The following CFAP54 variants were observed in gnomAD, a reference collection of about 807,000 sequenced individuals.
The protein encoded by CFAP54 is cilia and flagella associated protein 54, also known as cilia- and flagella-associated protein 54.
CFAP54 carries 290 observed loss-of-function variants against 370.4 expected under a neutral mutation model. That is an observed-to-expected ratio of 0.78 (90% confidence interval 0.71 to 0.86). CFAP54 has a LOEUF of 0.86. Among genes scored for constraint, CFAP54 ranks in the 40% least tolerant of loss-of-function variants. The pLI is 0.00. For missense variants in CFAP54, 3,399 were observed against 3,528.7 expected (o/e 0.96, Z 0.93); for synonymous variants, 1,206 against 1,236.5 (o/e 0.98, Z 0.52).
At chr12:96,645,559 A>G (rs1956778521) in intron 33 of CFAP54, 1 of 153,420 alleles carries the variant, frequency 6.5e-6, no homozygotes, top group Non-Finnish European at 1.5e-5. Context: ...ATCCCCATCA[A>G]GCTACCAATG....
At position 96,602,689 on chromosome 12, in the gene CFAP54, T is replaced by G. The variant is rs182630342; in HGVS notation, c.3639+3922T>G. Among the ~76,000 whole-genome samples, 164 of 152,346 alleles carry G rather than the reference T, an allele frequency of 1.1e-3. 1 individual carries two copies. Among genetic ancestry groups the G allele is most frequent in the African/African-American group, 3.9e-3 (163 of 41,576 alleles). ...GGATAGTTACCTCATTTTGTTGAAT[T>G]GATCCCTTTACCATTATTTAATGGC... On this transcript the variant is annotated intron_variant, in intron 26 of 67. Transcript: ENST00000524981.
intron 9 of CFAP54, among the ~76,000 whole-genome samples, chr12:96,528,580 G>A (rs1955407636): frequency 1.3e-5 from 2 of 152,114 alleles, no homozygotes; most frequent in South Asian, 4.1e-4. Context: ...GGAATTTTTT[G>A]TATGGCAATA....
At position 96,621,728 on chromosome 12, in the gene CFAP54, G is replaced by A. The variant is rs77740470; in HGVS notation, c.3771+7G>A. 1 of 1,517,274 alleles carries A rather than the reference G, an allele frequency of 6.6e-7. No homozygotes were observed. The highest frequency in any genetic ancestry group is 8.8e-7 in the Non-Finnish European group (1 of 1,137,642). 94.0% of individuals were successfully genotyped at this position (1,517,274 alleles called of 1,614,324 possible). ...AGAAGAAATGCCAGAGGAGGTAATT[G>A]TTTTTGTTTCTCATTTTTAAACCTA... On this transcript the variant is annotated splice_region_variant and intron_variant, in intron 27 of 67. Transcript: ENST00000524981.
chr12:96,675,809 A>G (rs1957199420), intron 39 of CFAP54, among the ~76,000 whole-genome samples: 1 of 152,062 alleles, frequency 6.6e-6, no homozygotes, highest in Non-Finnish European at 1.5e-5. Context: ...GAAGCTGGAA[A>G]CCATCATTCT....
chr12:96,580,791 G>A, intron 21 of CFAP54, 102 bp downstream of exon 21: 1 of 1,104,690 alleles, frequency 9.1e-7, no homozygotes, highest in Non-Finnish European at 1.2e-6. Flanking sequence ...ATTTCCACCT[G>A]AATCATAACT....
At chr12:96,785,557 A>G (rs371399496) in intron 61 of CFAP54, among the ~76,000 whole-genome samples, 1 of 152,176 alleles carries the variant, frequency 6.6e-6, no homozygotes, top group Non-Finnish European at 1.5e-5. Flanking sequence ...AAGCACAGTT[A>G]CCAGGAGCTC....
rs1171989740 is a variant in CFAP54, at chr12:96,576,588, G to A, written c.2623G>A (p.Ala875Thr). 10 of 1,519,646 alleles carry A rather than the reference G, an allele frequency of 6.6e-6. No homozygotes were observed. The highest frequency in any genetic ancestry group is 4.2e-5 in the African/African-American group (3 of 72,248). The allele number at this position is 1,519,646 out of a possible 1,614,324, so 94.1% of individuals were successfully genotyped here. The stretch of plus-strand genomic sequence containing the variant: ...CTATTTTCATATTTCATTATAGGAA[G>A]CATATTCCTTAATTCAGAGGATTGA... ...STSSWELLMEAYSLIQRIEAE... is the reference protein window; with the variant it reads ...STSSWELLMETYSLIQRIEAE... Residue 875 changes from alanine (A) to threonine (T), a missense_variant, in exon 20 of 68, where the codon GCA becomes ACA. Physicochemically the swap from Ala to Thr is moderately conservative, Grantham distance 58. Around this residue, in one of 3 missense-constraint regions of CFAP54, gnomAD observed 2,796 missense variants for 2,869.7 expected, o/e 0.97. Coordinates refer to ENST00000524981, the MANE Select transcript of CFAP54 (RefSeq NM_001306084.2).
At chr12:96,858,727 C>A (rs1314946699) in intron 66 of CFAP54, among the ~76,000 whole-genome samples, 1 of 152,148 alleles carries the variant, frequency 6.6e-6, no homozygotes, top group Admixed American at 6.5e-5. Flanking sequence ...TGGAACACTG[C>A]TCAAAGAAAT....
rs564519035 is a variant in CFAP54, at chr12:96,633,988, G to GTAGTGA, written c.4316+3340_4316+3345dup. 4.7e-3 allele frequency among the ~76,000 whole-genome samples: 681 copies of GTAGTGA among 144,160 alleles called. 4 individuals are homozygous for GTAGTGA. Among genetic ancestry groups the GTAGTGA allele is most frequent in the African/African-American group, 0.016 (647 of 39,430 alleles). The allele number at this position is 144,160 out of a possible 152,430, so 94.6% of individuals were successfully genotyped here. ...AAATTTTAGCTATTAAAATAGGTGT[G>GTAGTGA]TAGTGATATCTCATGGCCTTAATTT... On this transcript the variant is annotated intron_variant, in intron 32 of 67. Coordinates refer to ENST00000524981, the MANE Select transcript of CFAP54 (RefSeq NM_001306084.2).
chr12:96,839,419 G>A (rs1174473590), intron 66 of CFAP54, among the ~76,000 whole-genome samples: 1 of 152,176 alleles, frequency 6.6e-6, no homozygotes, highest in East Asian at 1.9e-4. Flanking sequence ...AGGAGGGGCT[G>A]TAGCAGAAGA....
At chr12:96,688,833 T>C in intron 42 of CFAP54, 83 bp from the exon 43 acceptor site, 1 of 690,132 alleles carries the variant, frequency 1.4e-6, no homozygotes, top group Non-Finnish European at 2.4e-6. Flanking sequence ...TTTTGTGTTC[T>C]AGATATATAT....
chr12:96,738,391 C>T (rs1958005675), intron 50 of CFAP54, among the ~76,000 whole-genome samples: 1 of 152,088 alleles, frequency 6.6e-6, no homozygotes, highest in Admixed American at 6.5e-5. Context: ...TCTCACAGTC[C>T]TAGAGGCAAG....
At chr12:96,500,649 C>G (rs945753098) in intron 1 of CFAP54, among the ~76,000 whole-genome samples, 185 bp from the exon 2 acceptor site, 18 of 152,256 alleles carry the variant, frequency 1.2e-4, no homozygotes, top group African/African-American at 3.9e-4. Context: ...GGGCTGCAAT[C>G]AATGCTTGGT....
intron 48 of CFAP54, among the ~76,000 whole-genome samples, chr12:96,711,918 C>T (rs1041511763): frequency 2.0e-5 from 3 of 152,040 alleles, no homozygotes; most frequent in Admixed American, 1.3e-4. Flanking sequence ...TTTCTGTAAA[C>T]ATTATTATAC....
chr12:96,558,248 G>A (rs1394774575), intron 17 of CFAP54, among the ~76,000 whole-genome samples: 1 of 151,932 alleles, frequency 6.6e-6, no homozygotes, highest in Non-Finnish European at 1.5e-5. Flanking sequence ...GTTTTCCTAG[G>A]TTGACAAAAG....
chr12:96,551,846 T>C (rs1955698303), intron 15 of CFAP54, among the ~76,000 whole-genome samples: 1 of 152,196 alleles, frequency 6.6e-6, no homozygotes, highest in Non-Finnish European at 1.5e-5. Flanking sequence ...AATAGTGGTA[T>C]AACCACATAA....
chr12:96,769,189 G>C (rs1413194076), intron 60 of CFAP54, among the ~76,000 whole-genome samples: 1 of 152,050 alleles, frequency 6.6e-6, no homozygotes, highest in Non-Finnish European at 1.5e-5. Flanking sequence ...TTATCATTTT[G>C]TCTTGATTTT....
Position 96,548,418 on chromosome 12 carries a change from G to A in CFAP54, c.2154+440G>A, listed in dbSNP as rs140302153. 4.2e-3 allele frequency among the ~76,000 whole-genome samples: 644 copies of A among 151,588 alleles called. 5 individuals are homozygous for A. The highest frequency in any genetic ancestry group is 6.7e-3 in the Non-Finnish European group (454 of 67,884). On this transcript the variant is annotated intron_variant, in intron 15 of 67. Coordinates refer to ENST00000524981, the MANE Select transcript of CFAP54 (RefSeq NM_001306084.2). ...CACCCCCCCTCACATTTATATTTGG[G>A]AGCCCCCTGAAATAGAAGAACAAGT...
chr12:96,739,348 C>T (rs1050365383), intron 50 of CFAP54, among the ~76,000 whole-genome samples: 1 of 152,044 alleles, frequency 6.6e-6, no homozygotes, highest in Non-Finnish European at 1.5e-5. Flanking sequence ...GAGAATATAA[C>T]GGCTTAAAAT....
Sources: allele counts gnomAD v4.1 joint callset (sites outside exome capture counted in the v4.1 genomes callset), GRCh38; gene constraint gnomAD v4.1.1; regional missense constraint gnomAD v4.1.1; transcripts MANE v1.5; gene names NCBI Gene and HGNC (gene_info 2026-07-23, HGNC 2026-07-21).